The following ATP1B3 variants were observed in gnomAD, a reference collection of about 807,000 sequenced individuals.
ATP1B3 encodes the protein sodium/potassium-transporting ATPase subunit beta-3.
In ATP1B3, 10 loss-of-function variants were observed where a neutral mutation model predicts 30.2. The ratio of observed to expected loss-of-function variants is 0.33; its 90% CI spans 0.20 to 0.56. The LOEUF is 0.56. ATP1B3 is among the 20% of genes least tolerant of loss of function. ATP1B3 has a pLI of 0.90. For synonymous variants in ATP1B3, 113 were observed against 117.0 expected (o/e 0.97, Z 0.22); for missense variants, 238 against 336.7 (o/e 0.71, Z 2.29).
At chr3:141,879,171 G>A (rs1396871573) in intron 1 of ATP1B3, among the ~76,000 whole-genome samples, 1 of 152,032 alleles carries the variant, frequency 6.6e-6, no homozygotes, top group Admixed American at 6.5e-5. Flanking sequence ...AAAACAAAAG[G>A]ATCATAAAGT....
At chr3:141,885,914 CACACACACA>C (rs1559864949) in intron 1 of ATP1B3, among the ~76,000 whole-genome samples, 4 of 151,274 alleles carry the variant, frequency 2.6e-5, no homozygotes, top group African/African-American at 9.7e-5. Flanking sequence ...CACACACACA[CACACACACA>C]CCCCTGTAGT....
At chr3:141,904,040 C>G (rs1934217114) in intron 2 of ATP1B3, among the ~76,000 whole-genome samples, 1 of 152,216 alleles carries the variant, frequency 6.6e-6, no homozygotes, top group African/African-American at 2.4e-5. Context: ...CCGCCTTGGC[C>G]TCCCAAAGTG....
chr3:141,879,779 A>AAAAAAAAAAAAAC (rs111928466), intron 1 of ATP1B3, among the ~76,000 whole-genome samples: 2 of 126,050 alleles, frequency 1.6e-5, no homozygotes, highest in Non-Finnish European at 3.2e-5. Context: ...TCTCCATCTC[A>AAAAAAAAAAAAAC]AAAAAAAAAA....
chr3:141,878,610 T>C (rs1335605528), intron 1 of ATP1B3, among the ~76,000 whole-genome samples: 2 of 152,224 alleles, frequency 1.3e-5, no homozygotes, highest in Non-Finnish European at 2.9e-5. Context: ...AGGGTAGAGA[T>C]TTTATTTTAT....
chr3:141,918,011 G>A (rs1258266358), intron 5 of ATP1B3, among the ~76,000 whole-genome samples: 2 of 151,654 alleles, frequency 1.3e-5, no homozygotes, highest in East Asian at 1.9e-4. Flanking sequence ...CTCGTGATCC[G>A]CCCGCCTCAG....
At chr3:141,877,040 G>A (rs1282069847) in intron 1 of ATP1B3, 130 bp downstream of exon 1, 2 of 581,668 alleles carry the variant, frequency 3.4e-6, no homozygotes, top group Non-Finnish European at 2.6e-6. Context: ...CCCTAACCCG[G>A]GCGGCGGCGG....
At chr3:141,889,535 C>T (rs1443761669) in intron 1 of ATP1B3, among the ~76,000 whole-genome samples, 3 of 151,670 alleles carry the variant, frequency 2.0e-5, no homozygotes, top group African/African-American at 7.3e-5. Flanking sequence ...TTCAAGACCG[C>T]CTGGCCAACA....
intron 1 of ATP1B3, among the ~76,000 whole-genome samples, chr3:141,879,754 G>A (rs113329514): frequency 0.08 from 10,005 of 124,816 alleles, 1,151 homozygotes; most frequent in African/African-American, 0.27. Flanking sequence ...ACTCCAGCCT[G>A]GGCGACAAAG....
chr3:141,891,573 A>G (rs1030816587), intron 1 of ATP1B3, among the ~76,000 whole-genome samples: 1 of 152,144 alleles, frequency 6.6e-6, no homozygotes, highest in Non-Finnish European at 1.5e-5. Context: ...ATTTAAATGT[A>G]TTGAATGGTT....
At chr3:141,891,881 A>T (rs1933960223) in intron 1 of ATP1B3, among the ~76,000 whole-genome samples, 1 of 148,386 alleles carries the variant, frequency 6.7e-6, no homozygotes, top group Admixed American at 6.8e-5. Context: ...GATGTTAGAG[A>T]ATGTGGCCTC....
chr3:141,902,245 G>A, intron 1 of ATP1B3: 2 of 1,266,266 alleles, frequency 1.6e-6, no homozygotes, highest in African/African-American at 1.5e-5. Flanking sequence ...GGGGGGAGGG[G>A]TAGAATGCTA....
At position 141,915,987 on chromosome 3, in the gene ATP1B3, T is replaced by C; in HGVS notation, c.549T>C (p.Pro183=). Reference sequence around the variant, plus strand: ...AACCTTAGATAATTGGATTAAAGCCTGAAGGAGTGCCAAGGATAGATTGTG... The same window carrying C: ...AACCTTAGATAATTGGATTAAAGCCCGAAGGAGTGCCAAGGATAGATTGTG... ...VKMNRIIGLK[P]EGVPRIDCVS... Residue 183 remains proline, a synonymous_variant, in exon 5 of 7, where the codon CCT becomes CCC. Coordinates refer to ENST00000286371, the MANE Select transcript of ATP1B3 (RefSeq NM_001679.4). 1 of 1,607,654 alleles carries C rather than the reference T, an allele frequency of 6.2e-7. No homozygotes were observed. The highest frequency in any genetic ancestry group is 8.5e-7 in the Non-Finnish European group (1 of 1,176,690).
rs529128848 is a variant in ATP1B3 at position 141,917,012 on chromosome 3, G to A, written c.582+992G>A. Among the ~76,000 whole-genome samples the A allele has an allele frequency of 9.9e-3, 1,325 of 133,618 alleles. 8 individuals carry two copies. Among genetic ancestry groups the A allele is most frequent in the Non-Finnish European group, 0.015 (936 of 64,532 alleles). 87.7% of individuals were successfully genotyped at this position (133,618 alleles called of 152,430 possible). A position where few individuals can be genotyped will look rare whatever the true frequency, so the allele number is the denominator to read the frequency against. On this transcript the variant is annotated intron_variant, in intron 5 of 6. Transcript: ENST00000286371. ...AGTAGCTGGGACTACAGGCGCTCCC[G>A]GCTAATTTTTTTTTTTTTTTTTTGG...
intron 1 of ATP1B3, among the ~76,000 whole-genome samples, chr3:141,901,249 A>G (rs944045214): frequency 1.3e-5 from 2 of 152,242 alleles, no homozygotes; most frequent in Non-Finnish European, 2.9e-5. Flanking sequence ...TTCCATGAAC[A>G]CTATCCATGA....
At chr3:141,920,565 TACTC>T (rs1417125891) in intron 5 of ATP1B3, among the ~76,000 whole-genome samples, 1 of 151,982 alleles carries the variant, frequency 6.6e-6, no homozygotes, top group African/African-American at 2.4e-5. Context: ...TACTCCAAGA[TACTC>T]AGTAAACTGT....
chr3:141,903,806 A>C, intron 2 of ATP1B3, 58 bp downstream of exon 2: 1 of 1,569,088 alleles, frequency 6.4e-7, no homozygotes, highest in Non-Finnish European at 8.7e-7. Flanking sequence ...TTTGAGACAG[A>C]GTTTCACTCT....
chr3:141,879,833 T>A (rs1054460394), intron 1 of ATP1B3, among the ~76,000 whole-genome samples: 6 of 139,068 alleles, frequency 4.3e-5, no homozygotes, highest in African/African-American at 7.6e-5. Flanking sequence ...TTTTTTTTTT[T>A]TTAAGAAAAA....
chr3:141,914,265 G>C (rs1436532628), intron 4 of ATP1B3, among the ~76,000 whole-genome samples: 2 of 152,136 alleles, frequency 1.3e-5, no homozygotes, highest in African/African-American at 4.8e-5. Context: ...TTTCGAAATA[G>C]TAGCAAAGCA....
Position 141,903,655 on chromosome 3 carries a change from T to TTC in ATP1B3, c.146_147dup (p.Leu50SerfsTer40). The TTC allele has an allele frequency of 6.2e-7, 1 of 1,614,156 alleles. No homozygotes were observed. Among genetic ancestry groups the TTC allele is most frequent in the East Asian group, 2.2e-5 (1 of 44,890 alleles). ...GCTCTTCTACCTAGTTTTTTATGGG[T>TTC]TCCTGGCTGCACTCTTCTCATTCAC... On this transcript the variant is annotated frameshift_variant, in exon 2 of 7. Coordinates refer to ENST00000286371, the MANE Select transcript of ATP1B3 (RefSeq NM_001679.4). LOFTEE classifies it high-confidence loss of function.
Sources: gnomAD v4.1 joint callset for allele counts (sites outside exome capture counted in the v4.1 genomes callset) on GRCh38, gnomAD v4.1.1 for gene constraint, MANE v1.5 for transcripts, NCBI Gene and HGNC (gene_info 2026-07-23, HGNC 2026-07-21) for gene names.